RASGRF2: variants seen among roughly 807,000 people sequenced by gnomAD.
RASGRF2 encodes ras-specific guanine nucleotide-releasing factor 2.
RASGRF2 carries 76 observed loss-of-function variants against 151.0 expected under a neutral mutation model. That is an observed-to-expected ratio of 0.50 (90% CI 0.42 to 0.61). RASGRF2 has a LOEUF of 0.61. Ranked by LOEUF, RASGRF2 falls within the 20% of genes least tolerant of loss-of-function variation. The pLI is 0.00. For synonymous variants in RASGRF2, 504 were observed against 566.5 expected (o/e 0.89, Z 1.57); for missense variants, 1,148 against 1,564.6 (o/e 0.73, Z 4.49).
intron 1 of RASGRF2, among the ~76,000 whole-genome samples, chr5:81,028,443 C>T (rs1385714593): frequency 1.3e-5 from 2 of 151,912 alleles, no homozygotes; most frequent in Admixed American, 1.3e-4. Context: ...TTTTCAGGCT[C>T]ATCTAGAGTG....
chr5:81,068,523 C>T (rs1038099984), intron 3 of RASGRF2, among the ~76,000 whole-genome samples: 1 of 151,916 alleles, frequency 6.6e-6, no homozygotes, highest in African/African-American at 2.4e-5. Flanking sequence ...ATGAGTCTGC[C>T]ATAGATTCAA....
intron 17 of RASGRF2, among the ~76,000 whole-genome samples, chr5:81,150,733 GT>G (rs1754116547): frequency 6.6e-6 from 1 of 152,102 alleles, no homozygotes; most frequent in Admixed American, 6.5e-5. Context: ...AAACTAAAAA[GT>G]TTAAATTTAA....
intron 17 of RASGRF2, among the ~76,000 whole-genome samples, chr5:81,177,237 C>A (rs1233743692): frequency 6.6e-6 from 1 of 152,122 alleles, no homozygotes; most frequent in Non-Finnish European, 1.5e-5. Context: ...ATATTTTACT[C>A]AGAATTTCTG....
At chr5:81,110,035 G>A (rs1198218946) in intron 13 of RASGRF2, among the ~76,000 whole-genome samples, 1 of 152,050 alleles carries the variant, frequency 6.6e-6, no homozygotes, top group Non-Finnish European at 1.5e-5. Context: ...AGAGATTTTT[G>A]CAATCTCTGT....
intron 1 of RASGRF2, among the ~76,000 whole-genome samples, chr5:80,961,261 C>T (rs561061274): frequency 6.6e-6 from 1 of 152,320 alleles, no homozygotes; most frequent in South Asian, 2.1e-4. Context: ...AATAGTGGCC[C>T]GACTTGCTTT....
chr5:80,974,701 C>A (rs1208655833), intron 1 of RASGRF2, among the ~76,000 whole-genome samples: 1 of 152,178 alleles, frequency 6.6e-6, no homozygotes, highest in Non-Finnish European at 1.5e-5. Flanking sequence ...CTGACTTCAT[C>A]TATCTTCAGA....
chr5:81,097,024 C>T (rs1039069356), intron 12 of RASGRF2, among the ~76,000 whole-genome samples: 1 of 151,620 alleles, frequency 6.6e-6, no homozygotes, highest in African/African-American at 2.4e-5. Context: ...TGCAGTGGTG[C>T]GATCTCAGCT....
rs76873681 is a variant in RASGRF2, at chr5:81,172,532, T to C, written c.2687-7643T>C. 2.8e-3 allele frequency among the ~76,000 whole-genome samples: 421 copies of C among 151,508 alleles called. 1 individual carries two copies. The highest frequency in any genetic ancestry group is 3.5e-3 in the Non-Finnish European group (241 of 67,926). ...TCTCAGGTTAACCTGAGTAAGGAGATGAACTTAAAAACTGAAGGATAAGAA... is the reference window on the plus strand; with the variant it reads ...TCTCAGGTTAACCTGAGTAAGGAGACGAACTTAAAAACTGAAGGATAAGAA... On this transcript the variant is annotated intron_variant, in intron 17 of 26. Transcript: ENST00000265080.
chr5:81,123,837 G>C, intron 16 of RASGRF2, 70 bp downstream of exon 16: 3 of 1,478,940 alleles, frequency 2.0e-6, no homozygotes, highest in Non-Finnish European at 9.1e-7. Flanking sequence ...CCTTTCCTTT[G>C]CCTAATTGTT....
At chr5:81,159,805 T>A (rs1754340662) in intron 17 of RASGRF2, among the ~76,000 whole-genome samples, 1 of 152,216 alleles carries the variant, frequency 6.6e-6, no homozygotes, top group Admixed American at 6.5e-5. Context: ...ACTCATATTA[T>A]TCTCATTTTA....
At chr5:81,217,670 C>A (rs1260797316) in intron 25 of RASGRF2, among the ~76,000 whole-genome samples, 197 bp downstream of exon 25, 3 of 146,798 alleles carry the variant, frequency 2.0e-5, no homozygotes, top group African/African-American at 7.6e-5. Flanking sequence ...ACCTCTGCCT[C>A]TGGGTTCAAT....
At chr5:81,210,424 A>G (rs1322438128) in intron 22 of RASGRF2, among the ~76,000 whole-genome samples, 1 of 152,234 alleles carries the variant, frequency 6.6e-6, no homozygotes, top group East Asian at 1.9e-4. Context: ...CAACAGGGCA[A>G]TTATACCTTT....
intron 12 of RASGRF2, among the ~76,000 whole-genome samples, chr5:81,102,424 G>T (rs1430973995): frequency 2.0e-5 from 3 of 152,206 alleles, no homozygotes; most frequent in African/African-American, 7.2e-5. Flanking sequence ...GCCAGACACG[G>T]TGGCTCATGC....
At chr5:81,179,593 A>T (rs1243364420) in intron 17 of RASGRF2, among the ~76,000 whole-genome samples, 2 of 152,212 alleles carry the variant, frequency 1.3e-5, no homozygotes, top group African/African-American at 4.8e-5. Context: ...AACCGAACTA[A>T]CAGATCTATC....
intron 1 of RASGRF2, among the ~76,000 whole-genome samples, chr5:80,968,478 A>G (rs1372504796): frequency 6.6e-6 from 1 of 152,128 alleles, no homozygotes; most frequent in Non-Finnish European, 1.5e-5. Flanking sequence ...TGCACTGGAT[A>G]TAGCTCTGAA....
At chr5:81,118,914 A>G (rs1006917702) in intron 15 of RASGRF2, among the ~76,000 whole-genome samples, 3 of 152,208 alleles carry the variant, frequency 2.0e-5, no homozygotes, top group African/African-American at 7.2e-5. Flanking sequence ...CTTTTATGCC[A>G]GTTTTCAACA....
chr5:81,076,371 G>A (rs1010769782), intron 5 of RASGRF2, among the ~76,000 whole-genome samples: 4 of 152,248 alleles, frequency 2.6e-5, no homozygotes, highest in Non-Finnish European at 5.9e-5. Context: ...CTCAGGTCAA[G>A]AGATTGTCAT....
chr5:81,070,585 G>A lies in RASGRF2; in HGVS notation c.633+4G>A. 1 of 1,593,170 alleles carries A rather than the reference G, an allele frequency of 6.3e-7. No individual in the cohort carries two copies. Among genetic ancestry groups the A allele is most frequent in the Non-Finnish European group, 8.6e-7 (1 of 1,161,226 alleles). ...AGACATCAAGAAGATTAAAAAGGTA[G>A]GGCCTGGAGGTTTCCAGCTTTGTAG... is the stretch of plus-strand genomic sequence containing the variant. On this transcript the variant is annotated splice_donor_region_variant and intron_variant, in intron 4 of 26. Coordinates refer to ENST00000265080, the MANE Select transcript of RASGRF2 (RefSeq NM_006909.3).
chr5:81,165,105 G>A (rs904001723), intron 17 of RASGRF2, among the ~76,000 whole-genome samples: 17 of 152,148 alleles, frequency 1.1e-4, no homozygotes, highest in African/African-American at 3.9e-4. Context: ...AGGGGCTTAA[G>A]GTTTCACAAC....
Sources: allele counts gnomAD v4.1 joint callset (sites outside exome capture counted in the v4.1 genomes callset), GRCh38; gene constraint gnomAD v4.1.1; transcripts MANE v1.5; gene names NCBI Gene and HGNC (gene_info 2026-07-23, HGNC 2026-07-21).